The following SLC25A14 variants were observed in gnomAD, a reference collection of about 807,000 sequenced individuals.
SLC25A14 encodes solute carrier family 25 member 14, also known as brain mitochondrial carrier protein 1.
In SLC25A14, 8 loss-of-function variants were observed where a neutral mutation model predicts 28.1. The ratio of observed to expected loss-of-function variants is 0.28; its 90% CI spans 0.17 to 0.51. SLC25A14 has a LOEUF of 0.51. Ranked by LOEUF, SLC25A14 falls within the 20% of genes least tolerant of loss-of-function variation. The pLI is 0.97. For synonymous variants in SLC25A14, 74 were observed against 90.6 expected, an observed-to-expected ratio of 0.82 and a Z score of 1.04; for missense variants, 135 against 263.8, an observed-to-expected ratio of 0.51 and a Z score of 3.38.
chrX:130,345,103 GT>G, intron 2 of SLC25A14, 78 bp from the exon 3 acceptor site: 1 of 697,689 alleles, frequency 1.4e-6, no homozygotes, highest in Non-Finnish European at 2.2e-6. Flanking sequence ...TGCCAATTTT[GT>G]TTATCTAAAT....
At chrX:130,345,881 A>G (rs1255543486) in intron 3 of SLC25A14, among the ~76,000 whole-genome samples, 1 of 111,176 alleles carries the variant, frequency 9.0e-6, no homozygotes, top group Non-Finnish European at 1.9e-5. Flanking sequence ...ACCCTGAAAT[A>G]TATTTTGTCA....
chrX:130,344,511 G>C (rs5932746), intron 2 of SLC25A14, among the ~76,000 whole-genome samples: 10,074 of 110,945 alleles, frequency 0.091, 484 homozygotes, highest in Non-Finnish European at 0.15. Flanking sequence ...ATTTATATGT[G>C]TGTGTTTTAA....
At chrX:130,372,603 C>A (rs1384631241) in intron 10 of SLC25A14, among the ~76,000 whole-genome samples, 1 of 109,113 alleles carries the variant, frequency 9.2e-6, no homozygotes, top group African/African-American at 3.3e-5. Flanking sequence ...GCTGGGACTA[C>A]AGGCACCCGC....
chrX:130,345,032 AG>A (rs777468342), intron 2 of SLC25A14, 149 bp from the exon 3 acceptor site: 162 of 451,837 alleles, frequency 3.6e-4, no homozygotes, highest in Non-Finnish European at 5.7e-4. Context: ...CACATAAAAC[AG>A]GATCCCCCAT....
At chrX:130,345,669 T>C (rs1034425077) in intron 3 of SLC25A14, among the ~76,000 whole-genome samples, 34 of 111,926 alleles carry the variant, frequency 3.0e-4, no homozygotes, top group African/African-American at 1.1e-3. Flanking sequence ...TAGAAGAAAA[T>C]GTACTAACAA....
chrX:130,356,943 C>G (rs1254292085), intron 6 of SLC25A14, among the ~76,000 whole-genome samples: 1 of 111,840 alleles, frequency 8.9e-6, no homozygotes, highest in Admixed American at 9.5e-5. Context: ...CTCCCTCAAC[C>G]CATCTCCAGA....
intron 6 of SLC25A14, among the ~76,000 whole-genome samples, chrX:130,354,679 A>AC (rs2033735981): frequency 1.8e-5 from 2 of 109,340 alleles, no homozygotes; most frequent in African/African-American, 6.7e-5. Flanking sequence ...AATCTGGCCC[A>AC]CCCCCTGTTG....
chrX:130,364,750 C>A lies in SLC25A14; in HGVS notation c.717C>A (p.Phe239Leu). The stretch of plus-strand genomic sequence containing the variant: ...TGGGCGATACAATTTTAACTCACTT[C>A]GTGTAAGTAGGATGGGATGTGCTCA... Reference protein sequence around the residue: ...GMMGDTILTHFVSSFTCGLAG... With the variant: ...GMMGDTILTHLVSSFTCGLAG... Residue 239 changes from phenylalanine (F) to leucine (L), a missense_variant and splice_region_variant, in exon 8 of 11, where the codon TTC (phenylalanine) becomes TTA (leucine). Physicochemically the swap from Phe to Leu is conservative, Grantham distance 22. Transcript: ENST00000545805. 1 of 1,203,016 alleles carries A rather than the reference C, an allele frequency of 8.3e-7. No homozygotes were observed. The highest frequency in any genetic ancestry group is 1.1e-6 in the Non-Finnish European group (1 of 889,506).
intron 7 of SLC25A14, among the ~76,000 whole-genome samples, chrX:130,363,861 G>A (rs1368070143): frequency 9.0e-6 from 1 of 111,183 alleles, no homozygotes. Context: ...AGCATCTCAA[G>A]TAGCTGGGAC....
chrX:130,361,529 G>A (rs776134564), intron 7 of SLC25A14, among the ~76,000 whole-genome samples: 6 of 112,368 alleles, frequency 5.3e-5, no homozygotes, highest in East Asian at 2.8e-4. Context: ...TTCTTCAAAC[G>A]TGCTCATCTT....
chrX:130,365,818 G>A, intron 9 of SLC25A14, 142 bp downstream of exon 9: 1 of 462,261 alleles, frequency 2.2e-6, no homozygotes, highest in Non-Finnish European at 3.7e-6. Flanking sequence ...TTATTCCCAG[G>A]TAGAAAAGCT....
At chrX:130,348,789 C>CG (rs1380625019) in intron 4 of SLC25A14, among the ~76,000 whole-genome samples, 2 of 82,471 alleles carry the variant, frequency 2.4e-5, no homozygotes, top group Non-Finnish European at 4.6e-5. Context: ...TACCCCCCCC[C>CG]CCCCTTTTTT....
At chrX:130,352,920 G>T (rs950389342) in intron 6 of SLC25A14, among the ~76,000 whole-genome samples, 1 of 111,947 alleles carries the variant, frequency 8.9e-6, no homozygotes, top group Non-Finnish European at 1.9e-5. Flanking sequence ...GTTTAATCAG[G>T]TCCCGCTTGT....
chrX:130,346,529 T>A lies in SLC25A14; in HGVS notation c.170-15T>A, dbSNP rs765217282. ...TTCTTTGGACATACTTATAAATAAG[T>A]GTGTTCCTTTATAGGGACTTTCCCT... On this transcript the variant is annotated splice_polypyrimidine_tract_variant and intron_variant, in intron 3 of 10. Coordinates refer to ENST00000545805, the MANE Select transcript of SLC25A14 (RefSeq NM_001282195.2). 2.5e-5 allele frequency: 30 copies of A among 1,188,299 alleles called. No individual in the cohort carries two copies. The Admixed American group carries it at 2.7e-4, about 11-fold the overall frequency.
intron 7 of SLC25A14, 136 bp downstream of exon 7, chrX:130,358,871 A>G (rs1365904683): frequency 9.2e-6 from 6 of 649,012 alleles, no homozygotes; most frequent in Admixed American, 3.0e-5. Context: ...CTCCCTTGAA[A>G]GGCCCAAAAC....
intron 7 of SLC25A14, among the ~76,000 whole-genome samples, chrX:130,359,537 T>G (rs1328573662): frequency 9.1e-6 from 1 of 110,161 alleles, no homozygotes; most frequent in Non-Finnish European, 1.9e-5. Context: ...ATATTATCTT[T>G]CAGTCTTCTA....
chrX:130,340,099 C>A lies in SLC25A14; in HGVS notation c.-172-8C>A. The A allele has an allele frequency of 9.3e-7, 1 of 1,076,593 alleles. No individual in the cohort carries two copies. 88.7% of individuals were successfully genotyped at this position (1,076,593 alleles called of 1,213,427 possible). On this transcript the variant is annotated splice_region_variant and splice_polypyrimidine_tract_variant and intron_variant, in intron 1 of 10. Transcript: ENST00000545805. The stretch of plus-strand genomic sequence containing the variant: ...CTTAACGGTCCTCTGGTCTCTCTCT[C>A]CCCTCAGCTGAGTCCCTTCCCTGTC...
chrX:130,364,888 T>G, intron 8 of SLC25A14, 136 bp downstream of exon 8: 1 of 1,072,957 alleles, frequency 9.3e-7, no homozygotes, highest in Non-Finnish European at 1.2e-6. Context: ...TTATCAGAAC[T>G]TCAAGCCTTA....
chrX:130,363,957 ACTC>A (rs1304085640), intron 7 of SLC25A14, among the ~76,000 whole-genome samples: 1 of 108,842 alleles, frequency 9.2e-6, no homozygotes, highest in African/African-American at 3.4e-5. Flanking sequence ...TTTGTCTAGA[ACTC>A]CTCCTCAAGT....
Sources: allele counts gnomAD v4.1 joint callset (sites outside exome capture counted in the v4.1 genomes callset), GRCh38; gene constraint gnomAD v4.1.1; transcripts MANE v1.5; gene names NCBI Gene and HGNC (gene_info 2026-07-23, HGNC 2026-07-21).